Variants in ACTR2 observed in about 807,000 individuals in gnomAD.
ACTR2 encodes actin-related protein 2.
Under a neutral mutation model 50.2 loss-of-function variants are expected in ACTR2, and 5 were observed. That is an observed-to-expected ratio of 0.10 (90% CI 0.05 to 0.21). The LOEUF (loss-of-function observed/expected upper bound fraction) is 0.21. Among genes scored for constraint, ACTR2 ranks in the 10% least tolerant of loss-of-function variants. The probability of loss-of-function intolerance (pLI) is 1.00; values close to 1 mark genes in which losing one functional copy is unlikely to be tolerated. For synonymous variants in ACTR2, 140 were observed against 162.9 expected, an observed-to-expected ratio of 0.86 and a Z score of 1.07; for missense variants, 180 against 480.6, an observed-to-expected ratio of 0.37 and a Z score of 5.85.
Position 65,246,393 on chromosome 2 carries a change from G to A in ACTR2, c.160-131G>A, listed in dbSNP as rs1008039704. 9.0e-6 allele frequency: 6 copies of A among 669,008 alleles called. No individual in the cohort carries two copies. In the African/African-American group the frequency reaches 9.3e-5, roughly 10 times the overall value. The allele number at this position is 669,008 out of a possible 1,614,324, so 41.4% of individuals were successfully genotyped here. A position where few individuals can be genotyped will look rare whatever the true frequency, so the allele number is the denominator to read the frequency against. Reference sequence around the variant, plus strand: ...ACTTTCTAAGACATTGTTCTTGATAGAAAAGATTTTCTAACTTGTGGAATA... The same window carrying A: ...ACTTTCTAAGACATTGTTCTTGATAAAAAAGATTTTCTAACTTGTGGAATA... On this transcript the variant is annotated intron_variant, in intron 2 of 8. Coordinates refer to ENST00000260641, the MANE Select transcript of ACTR2 (RefSeq NM_005722.4).
intron 4 of ACTR2, among the ~76,000 whole-genome samples, chr2:65,253,035 T>G (rs1672082677): frequency 6.6e-6 from 1 of 152,232 alleles, no homozygotes; most frequent in African/African-American, 2.4e-5. Flanking sequence ...TTTCTTAGAT[T>G]TCTAGCTGTC....
At chr2:65,250,907 A>C (rs1015302571) in intron 3 of ACTR2, 120 bp from the exon 4 acceptor site, 3 of 555,358 alleles carry the variant, frequency 5.4e-6, no homozygotes, top group Non-Finnish European at 9.2e-6. Flanking sequence ...ATGGAAGACT[A>C]TTTCAGGTCC....
At chr2:65,243,009 G>A (rs775458266) in intron 2 of ACTR2, among the ~76,000 whole-genome samples, 2 of 152,142 alleles carry the variant, frequency 1.3e-5, no homozygotes, top group African/African-American at 2.4e-5. Context: ...TGCTGGGCAC[G>A]GTGGCTTGTG....
intron 4 of ACTR2, among the ~76,000 whole-genome samples, chr2:65,251,329 T>C (rs1672046486): frequency 6.6e-6 from 1 of 152,232 alleles, no homozygotes; most frequent in African/African-American, 2.4e-5. Flanking sequence ...TAAAGACTTA[T>C]TTTTTAAAAA....
At chr2:65,250,023 G>C (rs1306714789) in intron 3 of ACTR2, among the ~76,000 whole-genome samples, 1 of 151,932 alleles carries the variant, frequency 6.6e-6, no homozygotes, top group Non-Finnish European at 1.5e-5. Context: ...TTGAGGGAGG[G>C]GGTACGAGGC....
At chr2:65,263,910 C>T (rs1672324849) in intron 7 of ACTR2, among the ~76,000 whole-genome samples, 1 of 152,098 alleles carries the variant, frequency 6.6e-6, no homozygotes, top group Non-Finnish European at 1.5e-5. Flanking sequence ...AAAAAATTAG[C>T]TGGGTGTGGT....
rs78290676 is a variant in ACTR2, at chr2:65,248,736, G to A, written c.375+1997G>A. On this transcript the variant is annotated intron_variant, in intron 3 of 8. Coordinates refer to ENST00000260641, the MANE Select transcript of ACTR2 (RefSeq NM_005722.4). ...GAGCCAGCAGAAGGAGATTGAAAAC[G>A]TTATTGAGGCCGGGCTAGGTGGCTC... Among the ~76,000 whole-genome samples, 1,030 of 152,216 alleles carry A rather than the reference G, an allele frequency of 6.8e-3. 9 individuals carry two copies. The highest frequency in any genetic ancestry group is 0.023 in the African/African-American group (969 of 41,542).
At chr2:65,233,286 G>A (rs1043484142) in intron 1 of ACTR2, among the ~76,000 whole-genome samples, 2 of 151,750 alleles carry the variant, frequency 1.3e-5, no homozygotes, top group African/African-American at 4.8e-5. Context: ...TGAGCACTGC[G>A]CCCAGTCTAG....
At chr2:65,232,147 C>T (rs1671649295) in intron 1 of ACTR2, among the ~76,000 whole-genome samples, 1 of 152,208 alleles carries the variant, frequency 6.6e-6, no homozygotes, top group South Asian at 2.1e-4. Context: ...AGGTGAAAAT[C>T]TGGAGGTCTG....
intron 2 of ACTR2, among the ~76,000 whole-genome samples, chr2:65,241,777 A>G (rs941202034): frequency 2.0e-5 from 3 of 152,174 alleles, no homozygotes; most frequent in Non-Finnish European, 4.4e-5. Context: ...ATTTTGACTT[A>G]TACTTTTTGT....
At chr2:65,254,790 G>A (rs1410544936) in intron 5 of ACTR2, among the ~76,000 whole-genome samples, 2 of 152,166 alleles carry the variant, frequency 1.3e-5, no homozygotes, top group Non-Finnish European at 2.9e-5. Context: ...TTGACATTGG[G>A]TTCCTTCAGT....
intron 1 of ACTR2, among the ~76,000 whole-genome samples, chr2:65,234,847 A>T (rs181573158): frequency 6.6e-6 from 1 of 152,218 alleles, no homozygotes; most frequent in Admixed American, 6.6e-5. Context: ...TCATTCTATA[A>T]TTTTTTTGAG....
intron 1 of ACTR2, among the ~76,000 whole-genome samples, chr2:65,236,350 AGAC>A (rs1671738435): frequency 6.6e-6 from 1 of 151,768 alleles, no homozygotes; most frequent in African/African-American, 2.4e-5. Context: ...AAAAAAAAAA[AGAC>A]AAGTGAAATT....
rs186446592 is a variant in ACTR2, at chr2:65,244,202, C to T, written c.160-2322C>T. Among the ~76,000 whole-genome samples, 4 of 152,082 alleles carry T rather than the reference C, an allele frequency of 2.6e-5. No individual in the cohort carries two copies. The East Asian group carries it at 7.7e-4, about 29-fold the overall frequency. On this transcript the variant is annotated intron_variant, in intron 2 of 8. Coordinates refer to ENST00000260641, the MANE Select transcript of ACTR2 (RefSeq NM_005722.4). ...ATGTAAATGTAAGCCCCTATTTGTA[C>T]ATTAAATAAAAAGTAAATTTCTGTT...
chr2:65,239,487 T>TCCCA (rs1671802658), intron 1 of ACTR2, among the ~76,000 whole-genome samples: 2 of 152,222 alleles, frequency 1.3e-5, no homozygotes, highest in African/African-American at 4.8e-5. Context: ...TAGCATTTGT[T>TCCCA]CAGCGAATTT....
chr2:65,257,419 T>C, intron 6 of ACTR2, among the ~76,000 whole-genome samples: 1 of 152,228 alleles, frequency 6.6e-6, no homozygotes, highest in Non-Finnish European at 1.5e-5. Flanking sequence ...TATGTGTGCA[T>C]GTGTCTTTAT....
intron 1 of ACTR2, among the ~76,000 whole-genome samples, chr2:65,232,185 C>T (rs72820365): frequency 0.015 from 2,306 of 152,292 alleles, 19 homozygotes; most frequent in Admixed American, 0.024. Flanking sequence ...GTCCTCTTCA[C>T]GAGCTAGGCC....
chr2:65,258,319 T>G (rs1672191619), intron 6 of ACTR2, among the ~76,000 whole-genome samples: 2 of 152,158 alleles, frequency 1.3e-5, no homozygotes, highest in South Asian at 2.1e-4. Flanking sequence ...CTCACACCGG[T>G]AATCCCAGCA....
rs553524620 is a variant in ACTR2, at chr2:65,255,639, T to C, written c.680T>C (p.Ile227Thr). Reference protein sequence around the residue: ...KEKLCYVGYNIEQEQKLALET... With the variant: ...KEKLCYVGYNTEQEQKLALET... Reference sequence around the variant, plus strand: ...AAACTGTGTTACGTGGGATATAATATTGAGCAAGAGCAGAAACTGGCCTTA... The same window carrying C: ...AAACTGTGTTACGTGGGATATAATACTGAGCAAGAGCAGAAACTGGCCTTA... Residue 227 changes from isoleucine (I) to threonine (T), a missense_variant, in exon 6 of 9, where the codon ATT becomes ACT. Ile to Thr is a moderately conservative substitution (Grantham distance 89). Transcript: ENST00000260641. 2.5e-6 allele frequency: 4 copies of C among 1,613,912 alleles called. No homozygotes were observed. Among genetic ancestry groups the C allele is most frequent in the Non-Finnish European group, 3.4e-6 (4 of 1,179,928 alleles).
Sources: gnomAD v4.1 joint callset for allele counts (sites outside exome capture counted in the v4.1 genomes callset) on GRCh38, gnomAD v4.1.1 for gene constraint, MANE v1.5 for transcripts, NCBI Gene and HGNC (gene_info 2026-07-23, HGNC 2026-07-21) for gene names.